The following LRRC1 variants were observed in gnomAD, a reference collection of about 807,000 sequenced individuals.
LRRC1 encodes leucine-rich repeat-containing protein 1.
A neutral mutation model predicts 69.9 loss-of-function variants in LRRC1; 28 were observed. The ratio of observed to expected loss-of-function variants is 0.40; its 90% CI spans 0.30 to 0.55. The LOEUF (loss-of-function observed/expected upper bound fraction) is 0.55, where lower values mean the gene tolerates loss of function less well. Ranked by LOEUF, LRRC1 falls within the 20% of genes least tolerant of loss-of-function variation. The pLI is 0.47. For missense variants in LRRC1, 498 were observed against 609.0 expected (o/e 0.82, Z 1.92); for synonymous variants, 236 against 240.2 (o/e 0.98, Z 0.16).
At chr6:53,835,761 A>G (rs922644983) in intron 1 of LRRC1, among the ~76,000 whole-genome samples, 1 of 152,204 alleles carries the variant, frequency 6.6e-6, no homozygotes, top group Non-Finnish European at 1.5e-5. Context: ...TCATTACTCT[A>G]TAATCAACCA....
At chr6:53,907,468 A>G (rs1205096893) in intron 10 of LRRC1, among the ~76,000 whole-genome samples, 1 of 152,196 alleles carries the variant, frequency 6.6e-6, no homozygotes, top group South Asian at 2.1e-4. Context: ...TGTTTGTACC[A>G]TGTGGGTCAC....
At chr6:53,843,400 G>GA (rs934927913) in intron 2 of LRRC1, among the ~76,000 whole-genome samples, 1 of 152,012 alleles carries the variant, frequency 6.6e-6, no homozygotes, top group African/African-American at 2.4e-5. Context: ...ATATGGTGAA[G>GA]AAAAAAATGA....
chr6:53,816,727 G>GT (rs1408791222), intron 1 of LRRC1, among the ~76,000 whole-genome samples: 1 of 46,998 alleles, frequency 2.1e-5, no homozygotes. Flanking sequence ...CCCATGGAGG[G>GT]CAGAGGGAAG....
intron 8 of LRRC1, among the ~76,000 whole-genome samples, chr6:53,902,155 A>G (rs1768079148): frequency 6.6e-6 from 1 of 152,230 alleles, no homozygotes; most frequent in African/African-American, 2.4e-5. Context: ...TCCATCCTTA[A>G]TATGGCTTTC....
At chr6:53,841,105 A>G (rs965650489) in intron 1 of LRRC1, among the ~76,000 whole-genome samples, 1 of 151,984 alleles carries the variant, frequency 6.6e-6, no homozygotes, top group African/African-American at 2.4e-5. Context: ...AGAGGGTGGG[A>G]TCTTACTGAC....
At chr6:53,864,481 A>C (rs1287652093) in intron 2 of LRRC1, among the ~76,000 whole-genome samples, 2 of 152,086 alleles carry the variant, frequency 1.3e-5, no homozygotes, top group African/African-American at 4.8e-5. Context: ...CTCAACCGCT[A>C]CTTTGCAGTC....
chr6:53,913,245 T>A (rs1284135123), intron 10 of LRRC1, among the ~76,000 whole-genome samples: 1 of 151,968 alleles, frequency 6.6e-6, no homozygotes, highest in East Asian at 1.9e-4. Context: ...TGATTTTACA[T>A]TCATCAAAAA....
chr6:53,877,602 A>G lies in LRRC1; in HGVS notation c.278-1391A>G, dbSNP rs575297251. On this transcript the variant is annotated intron_variant, in intron 2 of 13. Coordinates refer to ENST00000370888, the MANE Select transcript of LRRC1 (RefSeq NM_018214.5). ...ATTTCTTTCACCAGATACCTATATC[A>G]TCTCTCTCAAGTTCAAAGTTCCACA... Among the ~76,000 whole-genome samples the G allele has an allele frequency of 1.4e-4, 22 of 152,290 alleles. No individual in the cohort carries two copies. The East Asian group carries it at 3.9e-3, about 27-fold the overall frequency.
chr6:53,885,805 C>G (rs1427884441), intron 4 of LRRC1, among the ~76,000 whole-genome samples: 1 of 152,140 alleles, frequency 6.6e-6, no homozygotes, highest in South Asian at 2.1e-4. Context: ...ACACATCTCT[C>G]CCATCATGTG....
At chr6:53,884,201 A>G in intron 4 of LRRC1, 1 of 567,368 alleles carries the variant, frequency 1.8e-6, no homozygotes, top group Non-Finnish European at 3.1e-6. Context: ...AGTGTCAGAT[A>G]TTTATAATGT....
At chr6:53,799,733 A>G (rs2127401353) in intron 1 of LRRC1, among the ~76,000 whole-genome samples, 1 of 152,330 alleles carries the variant, frequency 6.6e-6, no homozygotes, top group South Asian at 2.1e-4. Context: ...CCTTAAACCA[A>G]CCATGTTTTA....
At position 53,897,304 on chromosome 6, in the gene LRRC1, T is replaced by A. The variant is rs1450874156; in HGVS notation, c.587T>A (p.Leu196His). ...IYNLPESIGA[L>H]LHLKDLWLDG... is the part of the protein sequence containing the mutation. ...TTTTAGCCAGAATCAATTGGAGCCC[T>A]CTTACATCTAAAAGATCTCTGGTTG... Residue 196 changes from leucine (L) to histidine (H), a missense_variant, in exon 7 of 14, where the codon CTC becomes CAC. Leu to His is a moderately conservative substitution (Grantham distance 99, BLOSUM62 -3). This residue lies in a region of LRRC1 where 266 missense variants were observed against 383.9 expected (regional missense o/e 0.69). Transcript: ENST00000370888. 2 of 1,612,008 alleles carry A rather than the reference T, an allele frequency of 1.2e-6. No homozygotes were observed. The highest frequency in any genetic ancestry group is 2.7e-5 in the African/African-American group (2 of 74,890).
chr6:53,850,443 A>C (rs990356057), intron 2 of LRRC1, among the ~76,000 whole-genome samples: 6 of 152,182 alleles, frequency 3.9e-5, no homozygotes, highest in Admixed American at 1.3e-4. Flanking sequence ...AGCTTTATGG[A>C]GTCAACAATA....
At chr6:53,913,798 C>G in intron 10 of LRRC1, 56 bp from the exon 11 acceptor site, 1 of 1,149,470 alleles carries the variant, frequency 8.7e-7, no homozygotes, top group African/African-American at 1.5e-5. Flanking sequence ...TACTCTGATC[C>G]TACTCCATCT....
intron 2 of LRRC1, among the ~76,000 whole-genome samples, 150 bp from the exon 3 acceptor site, chr6:53,878,837 CAAATAT>C (rs1382731804): frequency 2.0e-5 from 3 of 152,058 alleles, no homozygotes; most frequent in Admixed American, 6.6e-5. Context: ...ATTAGGAAAG[CAAATAT>C]AAATATATTA....
chr6:53,803,821 C>A (rs932782863), intron 1 of LRRC1, among the ~76,000 whole-genome samples: 2 of 152,178 alleles, frequency 1.3e-5, no homozygotes, highest in Non-Finnish European at 2.9e-5. Flanking sequence ...TCCAGACTGA[C>A]TCCTTGATTG....
intron 11 of LRRC1, chr6:53,919,283 A>G (rs1768665897): frequency 1.6e-5 from 2 of 122,256 alleles, no homozygotes; most frequent in African/African-American, 3.5e-5. Context: ...TTCTAATGGG[A>G]GAAGTGAGAG....
At chr6:53,882,075 G>A (rs549479087) in intron 3 of LRRC1, among the ~76,000 whole-genome samples, 5 of 152,272 alleles carry the variant, frequency 3.3e-5, no homozygotes, top group Middle Eastern at 3.4e-3. Flanking sequence ...AGCAGTTGTC[G>A]CGGTGGCTCA....
chr6:53,877,834 C>G (rs1354254627), intron 2 of LRRC1, among the ~76,000 whole-genome samples: 1 of 152,208 alleles, frequency 6.6e-6, no homozygotes, highest in Non-Finnish European at 1.5e-5. Context: ...CTGAGCCCTC[C>G]AGACTGCTCC....
Sources: gnomAD v4.1 joint callset for allele counts (sites outside exome capture counted in the v4.1 genomes callset) on GRCh38, gnomAD v4.1.1 for gene constraint, gnomAD v4.1.1 regional missense constraint, MANE v1.5 for transcripts, NCBI Gene and HGNC (gene_info 2026-07-23, HGNC 2026-07-21) for gene names.